The following NAT1 variants were observed in gnomAD, a reference collection of about 807,000 sequenced individuals.
NAT1 encodes N-acetyltransferase 1.
For synonymous variants in NAT1, 144 were observed against 122.6 expected (o/e 1.17, Z -1.16); for missense variants, 400 against 339.2 (o/e 1.18, Z -1.41).
upstream of NAT1, among the ~76,000 whole-genome samples, chr8:18,208,559 G>C (rs1318116898): frequency 1.3e-5 from 2 of 152,152 alleles, no homozygotes; most frequent in African/African-American, 4.8e-5. Flanking sequence ...GTGGAACAAG[G>C]TGGCCAAATA....
chr8:18,196,391 A>T (rs988495498), intron 2 of NAT1, among the ~76,000 whole-genome samples: 2 of 152,176 alleles, frequency 1.3e-5, no homozygotes, highest in African/African-American at 4.8e-5. Flanking sequence ...AGGGATGAAC[A>T]TATGAGGAAA....
chr8:18,189,358 T>A (rs1589068250), intron 2 of NAT1, among the ~76,000 whole-genome samples: 3 of 152,232 alleles, frequency 2.0e-5, no homozygotes, highest in Admixed American at 2.0e-4. Flanking sequence ...TCCTGCAAGG[T>A]AGCAGGTATC....
intron 2 of NAT1, chr8:18,200,787 T>G (rs1589085797): frequency 6.6e-6 from 1 of 152,052 alleles, no homozygotes; most frequent in African/African-American, 2.4e-5. Context: ...TTGTTTATAT[T>G]GGAGGAAGGA....
At chr8:18,208,608 T>A (rs145823773), upstream of NAT1, among the ~76,000 whole-genome samples, 7 of 152,298 alleles carry the variant, frequency 4.6e-5, no homozygotes, top group Middle Eastern at 3.4e-3. Flanking sequence ...GGACATCAAG[T>A]TCAACAAATA....
At chr8:18,206,536 G>C (rs1293413566), upstream of NAT1, among the ~76,000 whole-genome samples, 1 of 152,212 alleles carries the variant, frequency 6.6e-6, no homozygotes, top group African/African-American at 2.4e-5. Context: ...CTGTATGTAT[G>C]AGCAAGAGCA....
At chr8:18,176,543 T>C (rs985910244) in intron 2 of NAT1, among the ~76,000 whole-genome samples, 9 of 152,062 alleles carry the variant, frequency 5.9e-5, no homozygotes, top group African/African-American at 1.7e-4. Flanking sequence ...GGGCATTCTA[T>C]TGTGTTTCAT....
chr8:18,184,760 A>G (rs551715111), intron 2 of NAT1, among the ~76,000 whole-genome samples: 5 of 152,276 alleles, frequency 3.3e-5, no homozygotes, highest in African/African-American at 1.2e-4. Context: ...TTGCAAACAG[A>G]GCTTTCAAGA....
At chr8:18,177,120 A>C (rs747507692) in intron 2 of NAT1, among the ~76,000 whole-genome samples, 4 of 152,016 alleles carry the variant, frequency 2.6e-5, no homozygotes, top group Non-Finnish European at 5.9e-5. Context: ...TGAAATCTTT[A>C]GGGTTTTGTA....
Position 18,219,490 on chromosome 8 carries a change from G to A in NAT1, c.-7+1G>A, listed in dbSNP as rs1271553343. 1 of 1,539,958 alleles carries A rather than the reference G, an allele frequency of 6.5e-7. No homozygotes were observed. Among genetic ancestry groups the A allele is most frequent in the Non-Finnish European group, 8.8e-7 (1 of 1,138,542 alleles). On this transcript the variant is annotated splice_donor_variant, in intron 2 of 2. Transcript: ENST00000307719. LOFTEE classifies it low-confidence loss of function (5UTR_SPLICE). ...ACCTACTTTCAACTTACTAAGAAAG[G>A]TATTAAGCGCCTTTCTGAGAGCTCT...
chr8:18,218,658 G>A (rs1037025309), intron 1 of NAT1, among the ~76,000 whole-genome samples: 3 of 152,160 alleles, frequency 2.0e-5, no homozygotes, highest in African/African-American at 7.2e-5. Flanking sequence ...AGTTTTAACA[G>A]CTCACTAGGA....
At chr8:18,192,205 A>T (rs549739188) in intron 2 of NAT1, among the ~76,000 whole-genome samples, 1 of 152,180 alleles carries the variant, frequency 6.6e-6, no homozygotes, top group African/African-American at 2.4e-5. Flanking sequence ...TTCTCAAAAG[A>T]AGACATTTAT....
chr8:18,198,364 A>C (rs1381741818), intron 2 of NAT1, among the ~76,000 whole-genome samples: 1 of 152,182 alleles, frequency 6.6e-6, no homozygotes, highest in Non-Finnish European at 1.5e-5. Flanking sequence ...TGAGTTATGA[A>C]TGGTGTTTGT....
chr8:18,213,256 T>G (rs1804290536), intron 1 of NAT1, among the ~76,000 whole-genome samples: 1 of 152,034 alleles, frequency 6.6e-6, no homozygotes, highest in African/African-American at 2.4e-5. Flanking sequence ...TATATAAATT[T>G]TTTTTTCAAT....
chr8:18,216,536 C>A (rs1184689230), intron 1 of NAT1, among the ~76,000 whole-genome samples: 3 of 152,082 alleles, frequency 2.0e-5, no homozygotes, highest in Non-Finnish European at 4.4e-5. Context: ...CTAAAATGTC[C>A]ATTTTCTCAT....
At chr8:18,178,587 C>A (rs978553746) in intron 2 of NAT1, among the ~76,000 whole-genome samples, 6 of 152,222 alleles carry the variant, frequency 3.9e-5, no homozygotes, top group Admixed American at 3.3e-4. Flanking sequence ...AGCTGAAGAG[C>A]TCATGAATCA....
intron 1 of NAT1, among the ~76,000 whole-genome samples, chr8:18,210,760 A>C (rs571722678): frequency 2.0e-5 from 3 of 152,252 alleles, no homozygotes; most frequent in African/African-American, 7.2e-5. Context: ...TGCAATGCCT[A>C]TGGGAATTCC....
At chr8:18,211,259 C>T (rs1255576056) in intron 1 of NAT1, 1 of 152,336 alleles carries the variant, frequency 6.6e-6, no homozygotes, top group African/African-American at 2.4e-5. Flanking sequence ...CTGGCCTAGA[C>T]AGACAGCCCC....
At chr8:18,183,280 A>G (rs1203478883) in intron 2 of NAT1, among the ~76,000 whole-genome samples, 1 of 152,154 alleles carries the variant, frequency 6.6e-6, no homozygotes, top group Non-Finnish European at 1.5e-5. Context: ...ACCTCTCAAT[A>G]CTGTTTGCAT....
intron 2 of NAT1, chr8:18,201,332 G>A (rs1416583735): frequency 6.6e-6 from 1 of 152,138 alleles, no homozygotes; most frequent in East Asian, 1.9e-4. Flanking sequence ...GGCTAAGACA[G>A]TAATTAAAAT....
Sources: gnomAD v4.1 joint callset for allele counts (sites outside exome capture counted in the v4.1 genomes callset) on GRCh38, gnomAD v4.1.1 for gene constraint, MANE v1.5 for transcripts, NCBI Gene and HGNC (gene_info 2026-07-23, HGNC 2026-07-21) for gene names.